MYO9A: variants seen among roughly 807,000 people sequenced by gnomAD.
MYO9A encodes myosin IXA.
MYO9A carries 103 observed loss-of-function variants against 293.3 expected under a neutral mutation model. That is an observed-to-expected ratio of 0.35 (90% CI 0.30 to 0.41). The LOEUF (loss-of-function observed/expected upper bound fraction) is 0.41, where lower values mean the gene tolerates loss of function less well. Ranked by LOEUF, MYO9A falls within the 10% of genes least tolerant of loss-of-function variation. MYO9A has a pLI of 1.00. For synonymous variants in MYO9A, 1,001 were observed against 1,035.7 expected (o/e 0.97, Z 0.64); for missense variants, 2,685 against 3,033.0 (o/e 0.89, Z 2.69).
intron 13 of MYO9A, among the ~76,000 whole-genome samples, chr15:71,966,143 C>T (rs1449029829): frequency 6.6e-6 from 1 of 152,132 alleles, no homozygotes; most frequent in Non-Finnish European, 1.5e-5. Flanking sequence ...TCCCAAAGTG[C>T]TGGGATTACA....
chr15:71,830,049 T>C lies in MYO9A; in HGVS notation c.7040+60A>G. ...TAAATAAGAAAAAATAAAGAAACGA[T>C]AGAAGGAAGGAAACAAAAACAGACT... On this transcript the variant is annotated intron_variant, in intron 40 of 41. Transcript: ENST00000356056. The C allele has an allele frequency of 6.6e-6, 10 of 1,506,198 alleles. No individual in the cohort carries two copies. The South Asian group carries it at 1.0e-4, about 16-fold the overall frequency. The allele number at this position is 1,506,198 out of a possible 1,614,324, so 93.3% of individuals were successfully genotyped here. A position where few individuals can be genotyped will look rare whatever the true frequency, so the allele number is the denominator to read the frequency against.
intron 27 of MYO9A, among the ~76,000 whole-genome samples, chr15:71,885,008 T>A (rs1230119035): frequency 6.6e-6 from 1 of 151,524 alleles, no homozygotes; most frequent in Non-Finnish European, 1.5e-5. Context: ...CTCATATATT[T>A]ATACATTAAA....
chr15:71,898,689 T>C lies in MYO9A; in HGVS notation c.3814A>G (p.Arg1272Gly). Reference sequence around the variant, plus strand: ...AGTTCTCTCATTCTCCTACTTTCTCTCTTAGCCCGGCCTACTTTTTTCTGA... The same window carrying C: ...AGTTCTCTCATTCTCCTACTTTCTCCCTTAGCCCGGCCTACTTTTTTCTGA... ...LHQKKVGRAK[R>G]ESRRMRELEQ... The change falls in exon 25 of 42, where the codon AGA becomes GGA. Residue 1272 changes from arginine (R) to glycine (G), a missense_variant. Around this residue, in one of 10 missense-constraint regions of MYO9A, gnomAD observed 1,434 missense variants for 1,497.7 expected, o/e 0.96. Transcript: ENST00000356056. The C allele has an allele frequency of 1.2e-6, 2 of 1,614,076 alleles. No homozygotes were observed. The highest frequency in any genetic ancestry group is 1.7e-6 in the Non-Finnish European group (2 of 1,180,018).
intron 19 of MYO9A, among the ~76,000 whole-genome samples, chr15:71,908,522 T>C (rs748519300): frequency 7.9e-5 from 12 of 152,298 alleles, no homozygotes; most frequent in African/African-American, 1.4e-4. Flanking sequence ...ATTAGTATGA[T>C]TGGATTTAGG....
At chr15:72,105,293 G>A (rs2080526718) in intron 1 of MYO9A, among the ~76,000 whole-genome samples, 1 of 151,834 alleles carries the variant, frequency 6.6e-6, no homozygotes, top group Non-Finnish European at 1.5e-5. Flanking sequence ...TGATCATTAT[G>A]GCTCAGTGTA....
At chr15:71,927,389 C>T (rs1010890104) in intron 18 of MYO9A, among the ~76,000 whole-genome samples, 1 of 152,144 alleles carries the variant, frequency 6.6e-6, no homozygotes, top group African/African-American at 2.4e-5. Context: ...TTACTGCTTT[C>T]GTTATCTGTG....
intron 19 of MYO9A, 50 bp downstream of exon 19, chr15:71,916,320 A>T: frequency 6.3e-7 from 1 of 1,583,602 alleles, no homozygotes; most frequent in Admixed American, 1.9e-5. Context: ...TTTCAATGAC[A>T]ATCTGAAAGA....
intron 17 of MYO9A, among the ~76,000 whole-genome samples, chr15:71,934,761 T>A (rs890005182): frequency 4.1e-5 from 6 of 147,350 alleles, no homozygotes; most frequent in African/African-American, 1.2e-4. Context: ...CTACCACACC[T>A]GGCTAATTTT....
chr15:71,991,622 TACC>T (rs1567355437), intron 10 of MYO9A, among the ~76,000 whole-genome samples: 26 of 152,220 alleles, frequency 1.7e-4, no homozygotes. Flanking sequence ...CTCCTGGCTA[TACC>T]AAGAGGACAA....
chr15:72,054,682 A>C (rs917365837), intron 1 of MYO9A, among the ~76,000 whole-genome samples: 4 of 28,718 alleles, frequency 1.4e-4, no homozygotes, highest in Admixed American at 6.0e-4. Flanking sequence ...CTGTCTCAAA[A>C]AAAAAAAAAA....
chr15:71,975,042 G>C (rs1045846851), intron 12 of MYO9A, among the ~76,000 whole-genome samples: 3 of 152,204 alleles, frequency 2.0e-5, no homozygotes, highest in African/African-American at 4.8e-5. Context: ...TCAGTTATAA[G>C]AGATGCTCAA....
chr15:71,856,355 G>C (rs2055864516), intron 34 of MYO9A, among the ~76,000 whole-genome samples: 2 of 151,862 alleles, frequency 1.3e-5, no homozygotes, highest in Admixed American at 1.3e-4. Flanking sequence ...AGTGTGTGGA[G>C]ATAAGTAAAA....
intron 18 of MYO9A, among the ~76,000 whole-genome samples, chr15:71,923,467 A>C (rs758306414): frequency 1.3e-5 from 2 of 152,206 alleles, no homozygotes; most frequent in Non-Finnish European, 2.9e-5. Flanking sequence ...GTTTGGTAGA[A>C]TTGAGCAGTG....
rs2054472343 is a variant in MYO9A at position 71,825,995 on chromosome 15, G to GTTTTTTTTTTTTGTTTTT, written c.*584_*585insAAAAACAAAAAAAAAAAA. The stretch of plus-strand genomic sequence containing the variant: ...ATGGAAACAATCACGGTTTTTTTTT[G>GTTTTTTTTTTTTGTTTTT]TTTTTTTTTTTTTGTTTTTTTTTTT... On this transcript the variant is annotated 3_prime_UTR_variant, in exon 42 of 42. Coordinates refer to ENST00000356056, the MANE Select transcript of MYO9A (RefSeq NM_006901.4). 1.1e-5 allele frequency: 1 copy of GTTTTTTTTTTTTGTTTTT among 91,526 alleles called. No individual in the cohort carries two copies. Among genetic ancestry groups the GTTTTTTTTTTTTGTTTTT allele is most frequent in the Non-Finnish European group, 2.2e-5 (1 of 44,770 alleles). The allele number at this position is 91,526 out of a possible 1,614,324, so 5.7% of individuals were successfully genotyped here. A position where few individuals can be genotyped will look rare whatever the true frequency, so the allele number is the denominator to read the frequency against.
At chr15:72,116,953 T>G (rs1423187891) in intron 1 of MYO9A, 1 of 152,196 alleles carries the variant, frequency 6.6e-6, no homozygotes, top group Non-Finnish European at 1.5e-5. Context: ...TCGGTCCCCT[T>G]AAGCCACAAT....
chr15:72,022,849 C>CA (rs554928856), intron 4 of MYO9A, among the ~76,000 whole-genome samples: 2 of 150,484 alleles, frequency 1.3e-5, no homozygotes, highest in Admixed American at 6.6e-5. Context: ...CACACCCAGC[C>CA]AAAAAAAATC....
intron 2 of MYO9A, among the ~76,000 whole-genome samples, chr15:72,042,014 G>T (rs1359087581): frequency 1.5e-5 from 2 of 129,926 alleles, no homozygotes; most frequent in East Asian, 2.7e-4. Flanking sequence ...AACACTGACA[G>T]TAAAAAAAAA....
chr15:71,943,012 C>A (rs548984552), intron 15 of MYO9A, among the ~76,000 whole-genome samples: 1 of 152,090 alleles, frequency 6.6e-6, no homozygotes, highest in African/African-American at 2.4e-5. Flanking sequence ...CACTGTCCAT[C>A]CTTTTATTTT....
In MYO9A at chr15:71,983,070, T is replaced by C. The variant is rs995251683; in HGVS notation, c.1723-4778A>G. 3.3e-5 allele frequency among the ~76,000 whole-genome samples: 5 copies of C among 152,274 alleles called. No homozygotes were observed. In the East Asian group the frequency reaches 9.6e-4, roughly 29 times the overall value. ...AGCAACAATCAGTTTAGTTTTGTAT[T>C]ATATCTAGTCTGACAATCTTTAGCT... On this transcript the variant is annotated intron_variant, in intron 11 of 41. Transcript: ENST00000356056.
Sources: allele counts gnomAD v4.1 joint callset (sites outside exome capture counted in the v4.1 genomes callset), GRCh38; gene constraint gnomAD v4.1.1; regional missense constraint gnomAD v4.1.1; transcripts MANE v1.5; gene names NCBI Gene and HGNC (gene_info 2026-07-23, HGNC 2026-07-21).